LHFPL3: variants seen among roughly 807,000 people sequenced by gnomAD.
LHFPL3 encodes the protein LHFPL tetraspan subfamily member 3, also known as LHFPL tetraspan subfamily member 3 protein.
Under a neutral mutation model 19.3 loss-of-function variants are expected in LHFPL3, and 5 were observed. The observed-to-expected ratio is 0.26, with a 90% confidence interval of 0.14 to 0.54. LHFPL3 has a LOEUF of 0.54. Ranked by LOEUF, LHFPL3 falls within the 20% of genes least tolerant of loss-of-function variation. LHFPL3 has a pLI of 0.94. For missense variants in LHFPL3, 249 were observed against 307.4 expected (o/e 0.81, Z 1.42); for synonymous variants, 133 against 126.2 (o/e 1.05, Z -0.36).
chr7:104,646,939 G>T (rs930940973), intron 1 of LHFPL3, among the ~76,000 whole-genome samples: 1 of 152,196 alleles, frequency 6.6e-6, no homozygotes, highest in Non-Finnish European at 1.5e-5. Context: ...AGAGCCATGA[G>T]CATGAGTATC....
chr7:104,593,182 A>G (rs568330845), intron 1 of LHFPL3, among the ~76,000 whole-genome samples: 1 of 152,238 alleles, frequency 6.6e-6, no homozygotes, highest in Non-Finnish European at 1.5e-5. Flanking sequence ...ATTTAGTGCT[A>G]TAAATTTCCC....
intron 1 of LHFPL3, among the ~76,000 whole-genome samples, chr7:104,468,052 G>T (rs532170885): frequency 6.6e-6 from 1 of 152,286 alleles, no homozygotes; most frequent in Admixed American, 6.5e-5. Context: ...TTAATGCAAA[G>T]AATTGGATGC....
intron 1 of LHFPL3, among the ~76,000 whole-genome samples, chr7:104,491,471 A>G (rs1793350709): frequency 1.3e-5 from 1 of 78,084 alleles, no homozygotes; most frequent in East Asian, 3.1e-4. Context: ...TTTTCCATGT[A>G]AAAAAAAAAA....
intron 2 of LHFPL3, among the ~76,000 whole-genome samples, chr7:104,876,568 A>T (rs1264526010): frequency 2.0e-5 from 3 of 151,416 alleles, no homozygotes; most frequent in Non-Finnish European, 2.9e-5. Flanking sequence ...AATCAAAACC[A>T]CAATGAGATA....
intron 1 of LHFPL3, among the ~76,000 whole-genome samples, chr7:104,629,296 G>T (rs371948636): frequency 1.3e-5 from 2 of 152,068 alleles, no homozygotes. Context: ...ATGGACGGGG[G>T]ATCAGCAGCT....
intron 1 of LHFPL3, among the ~76,000 whole-genome samples, chr7:104,715,919 G>C (rs901431535): frequency 6.6e-6 from 1 of 152,160 alleles, no homozygotes; most frequent in Non-Finnish European, 1.5e-5. Context: ...AATAAGCCTG[G>C]AAGTGTTCCC....
At chr7:104,750,000 C>T (rs1267747960) in intron 2 of LHFPL3, among the ~76,000 whole-genome samples, 2 of 152,126 alleles carry the variant, frequency 1.3e-5, no homozygotes, top group African/African-American at 2.4e-5. Context: ...TTTTTTGACT[C>T]ATGGGGCTAT....
intron 2 of LHFPL3, among the ~76,000 whole-genome samples, chr7:104,817,404 C>G (rs1192885939): frequency 6.6e-6 from 1 of 152,178 alleles, no homozygotes; most frequent in African/African-American, 2.4e-5. Context: ...GCCCAGAAAA[C>G]AGCAGGGTTT....
chr7:104,555,861 T>G (rs2115924814), intron 1 of LHFPL3, among the ~76,000 whole-genome samples: 1 of 152,234 alleles, frequency 6.6e-6, no homozygotes, highest in South Asian at 2.1e-4. Flanking sequence ...CTAGATATAA[T>G]GGGGGTACAG....
chr7:104,662,810 A>G (rs1792257615), intron 1 of LHFPL3, among the ~76,000 whole-genome samples: 1 of 152,242 alleles, frequency 6.6e-6, no homozygotes, highest in South Asian at 2.1e-4. Context: ...TAATTTAATA[A>G]AAGCAAAAAA....
At chr7:104,640,927 A>T (rs1413212026) in intron 1 of LHFPL3, among the ~76,000 whole-genome samples, 4 of 152,204 alleles carry the variant, frequency 2.6e-5, no homozygotes, top group Non-Finnish European at 4.4e-5. Flanking sequence ...TTGAACAAAA[A>T]AGTTACGTTT....
rs538232198 is a variant in LHFPL3 at position 104,457,361 on chromosome 7, A to T, written c.445+128137A>T. Among the ~76,000 whole-genome samples the T allele has an allele frequency of 1.6e-4, 25 of 151,874 alleles. 1 individual carries two copies. In the South Asian group the frequency reaches 3.6e-3, roughly 22 times the overall value. ...TTCAATTCCCACCTATGAGTGAGAAAATACGGTGTTTGCTTTTTGTTCTTG... is the reference window on the plus strand; with the variant it reads ...TTCAATTCCCACCTATGAGTGAGAATATACGGTGTTTGCTTTTTGTTCTTG... On this transcript the variant is annotated intron_variant, in intron 1 of 2. Transcript: ENST00000424859.
At chr7:104,495,140 A>G (rs1353273569) in intron 1 of LHFPL3, among the ~76,000 whole-genome samples, 2 of 152,088 alleles carry the variant, frequency 1.3e-5, no homozygotes, top group Non-Finnish European at 2.9e-5. Flanking sequence ...TTCCTCAGAG[A>G]AGGTTCAACC....
chr7:104,677,605 G>A (rs945846732), intron 1 of LHFPL3, among the ~76,000 whole-genome samples: 6 of 152,116 alleles, frequency 3.9e-5, no homozygotes, highest in Admixed American at 3.3e-4. Context: ...AAGAAGCTAG[G>A]AATTTTCCAC....
intron 1 of LHFPL3, among the ~76,000 whole-genome samples, chr7:104,650,105 G>A (rs1158959794): frequency 6.6e-6 from 1 of 152,174 alleles, no homozygotes; most frequent in African/African-American, 2.4e-5. Flanking sequence ...TTACATTGAG[G>A]GAAAGTGGCA....
At chr7:104,600,827 G>A (rs1790949853) in intron 1 of LHFPL3, among the ~76,000 whole-genome samples, 2 of 152,186 alleles carry the variant, frequency 1.3e-5, no homozygotes, top group East Asian at 3.9e-4. Context: ...GTGCATGGAG[G>A]TGATGTAGCT....
At chr7:104,891,057 C>A (rs1361197721) in intron 2 of LHFPL3, among the ~76,000 whole-genome samples, 1 of 151,362 alleles carries the variant, frequency 6.6e-6, no homozygotes, top group Non-Finnish European at 1.5e-5. Context: ...ATCTTTTGAG[C>A]CTTTCTGCAG....
chr7:104,538,796 G>A (rs1162231663), intron 1 of LHFPL3, among the ~76,000 whole-genome samples: 49 of 152,232 alleles, frequency 3.2e-4, no homozygotes, highest in Non-Finnish European at 1.0e-4. Flanking sequence ...GTTAGCTTAC[G>A]TGGCAAAAGC....
chr7:104,796,155 C>T (rs960362600), intron 2 of LHFPL3, among the ~76,000 whole-genome samples: 2 of 152,142 alleles, frequency 1.3e-5, no homozygotes, highest in Admixed American at 6.5e-5. Flanking sequence ...AGTTAGGGCT[C>T]GAGGAAGCAG....
Sources: gnomAD v4.1 joint callset for allele counts (sites outside exome capture counted in the v4.1 genomes callset) on GRCh38, gnomAD v4.1.1 for gene constraint, MANE v1.5 for transcripts, NCBI Gene and HGNC (gene_info 2026-07-23, HGNC 2026-07-21) for gene names.